Variants in PDE10A observed in about 807,000 individuals in gnomAD.
The protein encoded by PDE10A is phosphodiesterase 10A.
A neutral mutation model predicts 97.7 loss-of-function variants in PDE10A; 39 were observed. The observed-to-expected ratio is 0.40, with a 90% CI of 0.31 to 0.52. PDE10A has a LOEUF of 0.52. Ranked by LOEUF, PDE10A falls within the 20% of genes least tolerant of loss-of-function variation. PDE10A has a pLI of 0.56. For missense variants in PDE10A, 731 were observed against 1,047.8 expected (o/e 0.70, Z 4.17); for synonymous variants, 371 against 376.8 (o/e 0.98, Z 0.18).
chr6:165,892,249 G>A (rs1781824128), intron 1 of PDE10A, among the ~76,000 whole-genome samples: 1 of 152,140 alleles, frequency 6.6e-6, no homozygotes, highest in South Asian at 2.1e-4. Context: ...GGACCATGAG[G>A]TGAGAGTTCG....
At chr6:165,361,505 G>A (rs544970891) in intron 18 of PDE10A, among the ~76,000 whole-genome samples, 7 of 152,298 alleles carry the variant, frequency 4.6e-5, no homozygotes, top group South Asian at 2.1e-4. Flanking sequence ...TCCTCAGAAC[G>A]TGACCTTATA....
chr6:165,766,612 G>A (rs186195117), intron 1 of PDE10A, among the ~76,000 whole-genome samples: 46 of 152,242 alleles, frequency 3.0e-4, no homozygotes, highest in African/African-American at 1.1e-3. Flanking sequence ...CGCTTTTATT[G>A]TTTATTAGTT....
chr6:165,719,696 G>A (rs928661076), intron 1 of PDE10A, among the ~76,000 whole-genome samples: 1 of 152,182 alleles, frequency 6.6e-6, no homozygotes, highest in Non-Finnish European at 1.5e-5. Context: ...GGAGCTGATG[G>A]CATGCTTTAA....
chr6:165,970,395 T>C (rs1784632541), intron 1 of PDE10A, among the ~76,000 whole-genome samples: 1 of 152,184 alleles, frequency 6.6e-6, no homozygotes, highest in South Asian at 2.1e-4. Flanking sequence ...TGTAAGAGAA[T>C]GTCTTGGTGT....
chr6:165,607,757 AAGGATGAAATGC>A (rs1435740367), intron 1 of PDE10A, among the ~76,000 whole-genome samples: 2 of 152,172 alleles, frequency 1.3e-5, no homozygotes, highest in African/African-American at 4.8e-5. Context: ...TTCAGTTTAT[AAGGATGAAATGC>A]AGCACGTGTT....
intron 1 of PDE10A, among the ~76,000 whole-genome samples, chr6:165,625,919 T>C (rs557241051): frequency 1.3e-5 from 2 of 152,340 alleles, no homozygotes; most frequent in East Asian, 1.9e-4. Context: ...ATATGATTCG[T>C]TGCGTTCGGG....
At chr6:165,596,843 G>A (rs1005215639) in intron 1 of PDE10A, among the ~76,000 whole-genome samples, 4 of 152,168 alleles carry the variant, frequency 2.6e-5, no homozygotes, top group East Asian at 1.9e-4. Context: ...CTAGGAGAAC[G>A]TTGCTCTCCT....
chr6:165,795,338 G>T (rs1211803509), intron 1 of PDE10A, among the ~76,000 whole-genome samples: 1 of 152,104 alleles, frequency 6.6e-6, no homozygotes, highest in Non-Finnish European at 1.5e-5. Flanking sequence ...CAATGACTTT[G>T]CTGCTGAGAC....
intron 1 of PDE10A, among the ~76,000 whole-genome samples, chr6:165,793,182 C>T (rs758462150): frequency 3.0e-4 from 46 of 152,102 alleles, no homozygotes; most frequent in Admixed American, 7.9e-4. Flanking sequence ...CACTGAGGTT[C>T]GGGCTGAGAA....
chr6:165,477,164 C>A (rs141598986), intron 3 of PDE10A, among the ~76,000 whole-genome samples: 8 of 152,298 alleles, frequency 5.3e-5, no homozygotes, highest in African/African-American at 1.7e-4. Flanking sequence ...AAGATGGCTG[C>A]CTTGCTATGC....
At chr6:165,933,307 G>C (rs1203682970) in intron 1 of PDE10A, among the ~76,000 whole-genome samples, 1 of 152,126 alleles carries the variant, frequency 6.6e-6, no homozygotes, top group Non-Finnish European at 1.5e-5. Flanking sequence ...AAGCTTGATG[G>C]ACCCACAGGA....
chr6:165,403,275 A>T (rs1205335908), intron 13 of PDE10A, among the ~76,000 whole-genome samples: 1 of 152,132 alleles, frequency 6.6e-6, no homozygotes, highest in Non-Finnish European at 1.5e-5. Context: ...TCAACAAGAG[A>T]GTCTACTTTT....
chr6:165,834,136 G>A (rs1376791550), intron 1 of PDE10A, among the ~76,000 whole-genome samples: 1 of 152,196 alleles, frequency 6.6e-6, no homozygotes. Context: ...CAACACCTGG[G>A]ACCACATGGA....
intron 3 of PDE10A, among the ~76,000 whole-genome samples, chr6:165,465,272 G>A (rs1487138387): frequency 6.6e-6 from 1 of 152,200 alleles, no homozygotes; most frequent in Non-Finnish European, 1.5e-5. Flanking sequence ...AGGTATAGGT[G>A]GAAAAGCTTG....
At chr6:165,961,230 C>A (rs1784350723) in intron 1 of PDE10A, among the ~76,000 whole-genome samples, 1 of 152,106 alleles carries the variant, frequency 6.6e-6, no homozygotes, top group African/African-American at 2.4e-5. Flanking sequence ...GAATTTCAGT[C>A]CCAAAAAACA....
Position 165,655,589 on chromosome 6 carries a change from T to C in PDE10A, c.865+6358A>G, listed in dbSNP as rs777467306. 1.3e-5 allele frequency among the ~76,000 whole-genome samples: 2 copies of C among 152,156 alleles called. No individual in the cohort carries two copies. Among genetic ancestry groups the C allele is most frequent in the Non-Finnish European group, 2.9e-5 (2 of 68,032 alleles). ...TTTGCTTCTACCATCATCGCCGTGA[T>C]CCAAGTTACCATTGCTCTTGTCTTG... On this transcript the variant is annotated intron_variant, in intron 1 of 21. Coordinates refer to ENST00000539869, the MANE Select transcript of PDE10A (RefSeq NM_001385079.1). The surrounding 1 kb of genome is among the most constrained non-coding windows in gnomAD (Gnocchi z 4.5).
rs142747303 is a variant in PDE10A at position 165,953,219 on chromosome 6, A to G, written c.-615+34310T>C. Reference sequence around the variant, plus strand: ...TTCCTACCCCTTCCAATATCTGAGGAATTAAATATTGTTTTCTAAAATAGT... The same window carrying G: ...TTCCTACCCCTTCCAATATCTGAGGGATTAAATATTGTTTTCTAAAATAGT... On this transcript the variant is annotated intron_variant, in intron 1 of 19. Coordinates refer to the PDE10A transcript ENST00000366882. 4.1e-3 allele frequency among the ~76,000 whole-genome samples: 622 copies of G among 152,338 alleles called. 9 individuals are homozygous for G. Among genetic ancestry groups the G allele is most frequent in the African/African-American group, 0.014 (582 of 41,582 alleles).
intron 1 of PDE10A, among the ~76,000 whole-genome samples, chr6:165,964,851 C>T (rs1012211778): frequency 2.6e-5 from 4 of 152,222 alleles, no homozygotes; most frequent in Non-Finnish European, 5.9e-5. Context: ...TGAGACCCTG[C>T]GTGAGAAAAT....
chr6:165,620,576 T>A (rs1055396534), intron 1 of PDE10A, among the ~76,000 whole-genome samples: 3 of 142,432 alleles, frequency 2.1e-5, no homozygotes, highest in Non-Finnish European at 4.5e-5. Context: ...GATCAATAAG[T>A]AAATGGATGG....
Sources: gnomAD v4.1 joint callset for allele counts (sites outside exome capture counted in the v4.1 genomes callset) on GRCh38, gnomAD v4.1.1 for gene constraint, Gnocchi (gnomAD v3.1) non-coding constraint, MANE v1.5 for transcripts, NCBI Gene and HGNC (gene_info 2026-07-23, HGNC 2026-07-21) for gene names.